CYFIP2: variants seen among roughly 807,000 people sequenced by gnomAD.
CYFIP2 encodes the protein cytoplasmic FMR1-interacting protein 2.
Under a neutral mutation model 158.7 loss-of-function variants are expected in CYFIP2, and 29 were observed. The observed-to-expected ratio is 0.18, with a 90% CI of 0.14 to 0.25. The LOEUF (loss-of-function observed/expected upper bound fraction) is 0.25, where lower values mean the gene tolerates loss of function less well. Ranked by LOEUF, CYFIP2 falls within the 10% of genes least tolerant of loss-of-function variation. The pLI is 1.00. For synonymous variants in CYFIP2, 585 were observed against 617.6 expected, an observed-to-expected ratio of 0.95 and a Z score of 0.78; for missense variants, 852 against 1,639.5, an observed-to-expected ratio of 0.52 and a Z score of 8.29.
chr5:157,279,070 C>T (rs1318043338), intron 1 of CYFIP2, among the ~76,000 whole-genome samples: 1 of 152,204 alleles, frequency 6.6e-6, no homozygotes, highest in Non-Finnish European at 1.5e-5. Flanking sequence ...TCATAAATCA[C>T]AAATTAAGGA....
intron 28 of CYFIP2, chr5:157,383,645 C>A: frequency 3.9e-6 from 1 of 257,178 alleles, no homozygotes; most frequent in South Asian, 1.0e-4. Context: ...TATCAAGAAT[C>A]TGTTACTTTG....
In CYFIP2 at chr5:157,266,532, G is replaced by C. The variant is rs1009190423; in HGVS notation, c.-24+337G>C. 1 of 152,306 alleles carries C rather than the reference G, an allele frequency of 6.6e-6. No homozygotes were observed. Among genetic ancestry groups the C allele is most frequent in the East Asian group, 1.9e-4 (1 of 5,170 alleles). The allele number at this position is 152,306 out of a possible 1,614,324, so 9.4% of individuals were successfully genotyped here. On this transcript the variant is annotated intron_variant, in intron 1 of 30. Transcript: ENST00000620254. The surrounding 1 kb of genome is among the most constrained non-coding windows in gnomAD (Gnocchi z 4.2). Reference sequence around the variant, plus strand: ...GGAGGCGGTGCTAATCTCAGGGACCGGAGACACCTGCAGCGGCCGCGAGCC... The same window carrying C: ...GGAGGCGGTGCTAATCTCAGGGACCCGAGACACCTGCAGCGGCCGCGAGCC...
Position 157,361,469 on chromosome 5 carries a change from G to A in CYFIP2, c.2910G>A (p.Gly970=). ...RLPRHEYGSP[G]ILEFFHHQLK... ...TGACCACCCCGATTCACCTCCCAGGGATCCTGGAGTTCTTCCACCACCAGC... is the reference window on the plus strand; with the variant it reads ...TGACCACCCCGATTCACCTCCCAGGAATCCTGGAGTTCTTCCACCACCAGC... Residue 970 remains glycine (G), a splice_region_variant and synonymous_variant, in exon 26 of 31, where the codon GGG becomes GGA. Transcript: ENST00000620254. This position sits in a 1 kb window ranked among gnomAD's most constrained non-coding sequence, Gnocchi z 4.4. 6.2e-7 allele frequency: 1 copy of A among 1,613,966 alleles called. No individual in the cohort carries two copies. The highest frequency in any genetic ancestry group is 8.5e-7 in the Non-Finnish European group (1 of 1,179,988).
intron 9 of CYFIP2, among the ~76,000 whole-genome samples, chr5:157,308,647 G>A (rs1342416579): frequency 2.6e-5 from 4 of 152,188 alleles, no homozygotes; most frequent in Admixed American, 1.3e-4. Context: ...GATCGAGCCT[G>A]AGTCCCACTG....
intron 21 of CYFIP2, among the ~76,000 whole-genome samples, chr5:157,336,369 A>T (rs970514306): frequency 6.6e-6 from 1 of 152,234 alleles, no homozygotes; most frequent in African/African-American, 2.4e-5. Context: ...AATGTTTAAC[A>T]TTTGGAAGAA....
intron 9 of CYFIP2, among the ~76,000 whole-genome samples, chr5:157,308,163 CTT>C (rs35504183): frequency 1.9e-4 from 27 of 145,320 alleles, no homozygotes; most frequent in Non-Finnish European, 2.3e-4. Flanking sequence ...CTGAATGCTG[CTT>C]TTTTTTTTTT....
chr5:157,370,974 A>G (rs1764939952), intron 26 of CYFIP2, among the ~76,000 whole-genome samples: 1 of 152,222 alleles, frequency 6.6e-6, no homozygotes, highest in African/African-American at 2.4e-5. Context: ...TGATAGATTT[A>G]GCAAGGGCTA....
rs1767457513 is a variant in CYFIP2 at position 157,392,971 on chromosome 5, A to G, written c.3733A>G (p.Ile1245Val). Reference protein sequence around the residue: ...VEHVRCFQPPIHQSLATTC With the variant: ...VEHVRCFQPPVHQSLATTC Reference sequence around the variant, plus strand: ...GCATGTGCGCTGCTTCCAGCCACCCATCCACCAGTCCTTGGCCACCACTTG... The same window carrying G: ...GCATGTGCGCTGCTTCCAGCCACCCGTCCACCAGTCCTTGGCCACCACTTG... The change falls in exon 31 of 31, where the codon ATC (isoleucine) becomes GTC (valine). Residue 1245 changes from isoleucine to valine, a missense_variant. This residue lies in a region of CYFIP2 where 223 missense variants were observed against 381.6 expected (regional missense o/e 0.58). Coordinates refer to ENST00000620254, the MANE Select transcript of CYFIP2 (RefSeq NM_001037333.3). The G allele has an allele frequency of 1.2e-6, 2 of 1,613,922 alleles. No homozygotes were observed. The highest frequency in any genetic ancestry group is 1.7e-6 in the Non-Finnish European group (2 of 1,179,850).
At chr5:157,316,259 ATG>A (rs747144292) in intron 13 of CYFIP2, among the ~76,000 whole-genome samples, 1 of 152,218 alleles carries the variant, frequency 6.6e-6, no homozygotes, top group Non-Finnish European at 1.5e-5. Context: ...ATACACATAA[ATG>A]TGGATATTTT....
chr5:157,307,687 GACCT>G (rs1400882922), intron 8 of CYFIP2, 70 bp from the exon 9 acceptor site: 8 of 769,428 alleles, frequency 1.0e-5, no homozygotes, highest in African/African-American at 8.6e-5. Flanking sequence ...CACATATACA[GACCT>G]ACCTTTTTGT....
chr5:157,368,346 T>C (rs1226543334), intron 26 of CYFIP2, among the ~76,000 whole-genome samples: 1 of 152,096 alleles, frequency 6.6e-6, no homozygotes, highest in Non-Finnish European at 1.5e-5. Flanking sequence ...AGTCAAAAAG[T>C]AAAAGCCCCA....
At chr5:157,290,228 G>A (rs1757710413) in intron 3 of CYFIP2, among the ~76,000 whole-genome samples, 1 of 152,194 alleles carries the variant, frequency 6.6e-6, no homozygotes, top group South Asian at 2.1e-4. Context: ...TTATAGTTTT[G>A]TAGGTCAGAA....
At chr5:157,358,154 C>T (rs927052161) in intron 23 of CYFIP2, among the ~76,000 whole-genome samples, 3 of 152,126 alleles carry the variant, frequency 2.0e-5, no homozygotes, top group African/African-American at 7.2e-5. Flanking sequence ...GCGTTAGAGT[C>T]GATGATAACT....
chr5:157,358,788 G>A (rs1479992579), intron 23 of CYFIP2, among the ~76,000 whole-genome samples: 1 of 152,194 alleles, frequency 6.6e-6, no homozygotes, highest in Non-Finnish European at 1.5e-5. Context: ...TCTTCTGCTA[G>A]GGAGTGGCTG....
chr5:157,339,154 A>G lies in CYFIP2; in HGVS notation c.2483A>G (p.Asn828Ser), dbSNP rs749930524. The G allele has an allele frequency of 6.2e-7, 1 of 1,614,040 alleles. No homozygotes were observed. ...DSFDAMFREA[N>S]HNVSAPYGRI... Reference sequence around the variant, plus strand: ...TTCGATGCCATGTTCCGAGAGGCCAATCACAATGTGTCCGCCCCCTATGGC... The same window carrying G: ...TTCGATGCCATGTTCCGAGAGGCCAGTCACAATGTGTCCGCCCCCTATGGC... The change falls in exon 22 of 31, where the codon AAT becomes AGT. Residue 828 changes from asparagine to serine, a missense_variant. Asn to Ser is a conservative substitution (Grantham distance 46, BLOSUM62 1). Around this residue, in one of 8 missense-constraint regions of CYFIP2, gnomAD observed 191 missense variants for 311.2 expected, o/e 0.61. Transcript: ENST00000620254.
At chr5:157,270,193 C>G (rs905169018) in intron 1 of CYFIP2, among the ~76,000 whole-genome samples, 2 of 152,184 alleles carry the variant, frequency 1.3e-5, no homozygotes, top group African/African-American at 2.4e-5. Flanking sequence ...CCTTTTGATT[C>G]TGTTTGCGTC....
intron 23 of CYFIP2, among the ~76,000 whole-genome samples, chr5:157,357,797 C>G (rs1410619643): frequency 6.6e-6 from 1 of 152,026 alleles, no homozygotes; most frequent in South Asian, 2.1e-4. Flanking sequence ...CCCCTGCACT[C>G]TAGCCTGGGC....
chr5:157,392,791 A>C (rs1223837934), intron 30 of CYFIP2, 42 bp from the exon 31 acceptor site: 1 of 1,602,836 alleles, frequency 6.2e-7, no homozygotes, highest in African/African-American at 1.3e-5. Flanking sequence ...TTCCACCCCC[A>C]CTTTGTCCTG....
chr5:157,327,163 A>G (rs557409260), intron 18 of CYFIP2, among the ~76,000 whole-genome samples: 1 of 152,304 alleles, frequency 6.6e-6, no homozygotes, highest in Admixed American at 6.5e-5. Flanking sequence ...ATCACAGTCT[A>G]TCACTGATGA....
Sources: allele counts gnomAD v4.1 joint callset (sites outside exome capture counted in the v4.1 genomes callset), GRCh38; gene constraint gnomAD v4.1.1; regional missense constraint gnomAD v4.1.1; non-coding constraint Gnocchi (gnomAD v3.1); transcripts MANE v1.5; gene names NCBI Gene and HGNC (gene_info 2026-07-23, HGNC 2026-07-21).